Variants in B3GNT2 observed in about 807,000 individuals in gnomAD.
B3GNT2 encodes UDP-GlcNAc:betaGal beta-1,3-N-acetylglucosaminyltransferase 2, also known as N-acetyllactosaminide beta-1,3-N-acetylglucosaminyltransferase 2.
In B3GNT2, 12 loss-of-function variants were observed where a neutral mutation model predicts 27.6. That is an observed-to-expected ratio of 0.44 (90% CI 0.28 to 0.71). The LOEUF is 0.71. B3GNT2 is among the 30% of genes least tolerant of loss of function. B3GNT2 has a pLI of 0.17. For missense variants in B3GNT2, 413 were observed against 488.5 expected, an observed-to-expected ratio of 0.85 and a Z score of 1.46; for synonymous variants, 192 against 189.7, an observed-to-expected ratio of 1.01 and a Z score of -0.10.
In B3GNT2 at chr2:62,223,510, A is replaced by C; in HGVS notation, c.*96A>C. 1 of 1,165,992 alleles carries C rather than the reference A, an allele frequency of 8.6e-7. No homozygotes were observed. The highest frequency in any genetic ancestry group is 1.2e-6 in the Non-Finnish European group (1 of 835,750). 72.2% of individuals were successfully genotyped at this position (1,165,992 alleles called of 1,614,324 possible). A position where few individuals can be genotyped will look rare whatever the true frequency, so the allele number is the denominator to read the frequency against. On this transcript the variant is annotated 3_prime_UTR_variant, in exon 2 of 2. Coordinates refer to ENST00000301998, the MANE Select transcript of B3GNT2 (RefSeq NM_006577.6). ...GAGTAATTTCTATATTAAACCATGA[A>C]AATTGCCTTTATGAGTGATACCCAT... is the stretch of plus-strand genomic sequence containing the variant.
chr2:62,215,075 C>A (rs900592757), intron 1 of B3GNT2, among the ~76,000 whole-genome samples: 1 of 152,116 alleles, frequency 6.6e-6, no homozygotes, highest in African/African-American at 2.4e-5. Flanking sequence ...TTGAGAAAAT[C>A]GGCCACACTG....
intron 1 of B3GNT2, among the ~76,000 whole-genome samples, chr2:62,201,370 G>A (rs1674260419): frequency 6.6e-6 from 1 of 152,204 alleles, no homozygotes. Flanking sequence ...GGTCAATTAT[G>A]GAGCTTGTGG....
intron 1 of B3GNT2, among the ~76,000 whole-genome samples, chr2:62,212,238 T>C (rs1422376606): frequency 6.6e-6 from 1 of 152,200 alleles, no homozygotes; most frequent in East Asian, 1.9e-4. Flanking sequence ...CACTCCTATA[T>C]TCCTGCAGGG....
At chr2:62,197,575 A>G (rs974534880) in intron 1 of B3GNT2, among the ~76,000 whole-genome samples, 1 of 152,232 alleles carries the variant, frequency 6.6e-6, no homozygotes, top group Non-Finnish European at 1.5e-5. Flanking sequence ...ATTAAACTAT[A>G]TTCTTTTGCC....
chr2:62,217,380 G>A (rs1015740789), intron 1 of B3GNT2, among the ~76,000 whole-genome samples: 6 of 152,144 alleles, frequency 3.9e-5, no homozygotes, highest in African/African-American at 1.4e-4. Context: ...CCCACCCCGT[G>A]CCCCCTACCC....
At chr2:62,215,506 A>C (rs1216520005) in intron 1 of B3GNT2, 2 of 152,234 alleles carry the variant, frequency 1.3e-5, no homozygotes, top group Non-Finnish European at 2.9e-5. Context: ...GCTGGGAGCT[A>C]TTCTCTCCCC....
chr2:62,219,819 A>G (rs141287718), intron 1 of B3GNT2, among the ~76,000 whole-genome samples: 1 of 152,302 alleles, frequency 6.6e-6, no homozygotes, highest in Non-Finnish European at 1.5e-5. Context: ...TTTCAAGAGT[A>G]GTTTTGTGGG....
chr2:62,212,375 G>C (rs1224883335), intron 1 of B3GNT2, among the ~76,000 whole-genome samples: 1 of 152,026 alleles, frequency 6.6e-6, no homozygotes, highest in African/African-American at 2.4e-5. Context: ...CAGCCCCCAT[G>C]TGTGTACCCC....
At position 62,222,135 on chromosome 2, in the gene B3GNT2, G is replaced by A. The variant is rs115855265; in HGVS notation, c.-9-77G>A. On this transcript the variant is annotated intron_variant, in intron 1 of 1. Coordinates refer to ENST00000301998, the MANE Select transcript of B3GNT2 (RefSeq NM_006577.6). The surrounding 1 kb of genome is among the most constrained non-coding windows in gnomAD (Gnocchi z 4.2). The stretch of plus-strand genomic sequence containing the variant: ...TTTGCTGTAAACCACTATTCCTGGG[G>A]AGACAGGTAAAATAAATTGTATGTG... 3,049 of 1,279,482 alleles carry A rather than the reference G, an allele frequency of 2.4e-3. 60 individuals carry two copies. In the African/African-American group the frequency reaches 0.04, roughly 17 times the overall value. 79.3% of individuals were successfully genotyped at this position (1,279,482 alleles called of 1,614,324 possible). A position where few individuals can be genotyped will look rare whatever the true frequency, so the allele number is the denominator to read the frequency against.
rs2104175376 is a variant in B3GNT2, at chr2:62,196,178, C to G, written c.-187C>G. 6.6e-6 allele frequency: 1 copy of G among 151,884 alleles called. No individual in the cohort carries two copies. Among genetic ancestry groups the G allele is most frequent in the African/African-American group, 2.4e-5 (1 of 41,490 alleles). The allele number at this position is 151,884 out of a possible 1,614,324, so 9.4% of individuals were successfully genotyped here. On this transcript the variant is annotated 5_prime_UTR_variant, in exon 1 of 2. Coordinates refer to ENST00000301998, the MANE Select transcript of B3GNT2 (RefSeq NM_006577.6). Reference sequence around the variant, plus strand: ...AACAAGTGCCGGAGGCTAGCAGAGCCAAGCCGGAGCAGTCCCTGCCGCCGA... The same window carrying G: ...AACAAGTGCCGGAGGCTAGCAGAGCGAAGCCGGAGCAGTCCCTGCCGCCGA...
chr2:62,204,968 GAGA>G (rs1023440825), intron 1 of B3GNT2, among the ~76,000 whole-genome samples: 1 of 152,224 alleles, frequency 6.6e-6, no homozygotes, highest in Non-Finnish European at 1.5e-5. Flanking sequence ...GAGAGGGAGA[GAGA>G]AGAAGGTCAC....
intron 1 of B3GNT2, among the ~76,000 whole-genome samples, chr2:62,204,644 CT>C (rs1418335992): frequency 6.6e-6 from 1 of 152,142 alleles, no homozygotes; most frequent in Non-Finnish European, 1.5e-5. Context: ...TAACTTTATT[CT>C]TGAGATGCAG....
rs1573271803 is a variant in B3GNT2 at position 62,220,206 on chromosome 2, G to C, written c.-9-2006G>C. Among the ~76,000 whole-genome samples, 4 of 152,344 alleles carry C rather than the reference G, an allele frequency of 2.6e-5. No individual in the cohort carries two copies. In the South Asian group the frequency reaches 8.3e-4, roughly 32 times the overall value. ...ACCATCTTTGCTTCGAAGTTAAACT[G>C]TAAACTAAATTTCTCCCGTGGTTAG... On this transcript the variant is annotated intron_variant, in intron 1 of 1. Transcript: ENST00000301998.
intron 1 of B3GNT2, among the ~76,000 whole-genome samples, chr2:62,204,183 T>A (rs766575349): frequency 6.6e-6 from 1 of 152,148 alleles, no homozygotes; most frequent in African/African-American, 2.4e-5. Flanking sequence ...TGCACCACCA[T>A]GCCTGGCTAA....
At chr2:62,219,812 C>G (rs1475829916) in intron 1 of B3GNT2, among the ~76,000 whole-genome samples, 1 of 152,098 alleles carries the variant, frequency 6.6e-6, no homozygotes, top group East Asian at 1.9e-4. Context: ...TTAGGTTTTT[C>G]AAGAGTAGTT....
At chr2:62,199,185 C>T (rs979268717) in intron 1 of B3GNT2, among the ~76,000 whole-genome samples, 17 of 152,128 alleles carry the variant, frequency 1.1e-4, no homozygotes, top group South Asian at 2.1e-4. Flanking sequence ...GTGATCCACC[C>T]GCCTAGGCCT....
chr2:62,212,233 C>T (rs1173746733), intron 1 of B3GNT2, among the ~76,000 whole-genome samples: 1 of 152,166 alleles, frequency 6.6e-6, no homozygotes, highest in South Asian at 2.1e-4. Flanking sequence ...TCCTGCACTC[C>T]TATATTCCTG....
chr2:62,206,433 A>G (rs1462981268), intron 1 of B3GNT2, among the ~76,000 whole-genome samples: 1 of 152,190 alleles, frequency 6.6e-6, no homozygotes, highest in Non-Finnish European at 1.5e-5. Flanking sequence ...CACTCAGCTA[A>G]TGGGTGGGCA....
intron 1 of B3GNT2, among the ~76,000 whole-genome samples, chr2:62,217,727 T>A (rs1674603586): frequency 6.6e-6 from 1 of 152,210 alleles, no homozygotes; most frequent in Non-Finnish European, 1.5e-5. Context: ...TGGGCAGCGT[T>A]AAAGGATGTG....
Sources: allele counts gnomAD v4.1 joint callset (sites outside exome capture counted in the v4.1 genomes callset), GRCh38; gene constraint gnomAD v4.1.1; non-coding constraint Gnocchi (gnomAD v3.1); transcripts MANE v1.5; gene names NCBI Gene and HGNC (gene_info 2026-07-23, HGNC 2026-07-21).